The following PCDHGA4 variants were observed in gnomAD, a reference collection of about 807,000 sequenced individuals.
The protein encoded by PCDHGA4 is protocadherin gamma-A4.
A neutral mutation model predicts 54.6 loss-of-function variants in PCDHGA4; 38 were observed. The observed-to-expected ratio is 0.70, with a 90% CI of 0.54 to 0.91. The LOEUF (loss-of-function observed/expected upper bound fraction) is 0.91, where lower values mean the gene tolerates loss of function less well. PCDHGA4 is among the 40% of genes least tolerant of loss of function. The pLI is 0.00. For synonymous variants in PCDHGA4, 511 were observed against 512.9 expected (o/e 1.00, Z 0.05); for missense variants, 1,298 against 1,220.9 (o/e 1.06, Z -0.94).
chr5:141,480,660 C>T (rs535356928), intron 1 of PCDHGA4, among the ~76,000 whole-genome samples: 2 of 152,170 alleles, frequency 1.3e-5, no homozygotes, highest in Non-Finnish European at 2.9e-5. Flanking sequence ...ACATTAAAAT[C>T]ACCTAGAGAC....
intron 1 of PCDHGA4, among the ~76,000 whole-genome samples, chr5:141,451,571 A>G (rs2098719323): frequency 6.6e-6 from 1 of 152,188 alleles, no homozygotes; most frequent in Non-Finnish European, 1.5e-5. Context: ...CAATCTTTTT[A>G]TAAACCTAAT....
chr5:141,384,818 A>G, intron 1 of PCDHGA4: 1 of 1,613,488 alleles, frequency 6.2e-7, no homozygotes, highest in East Asian at 2.2e-5. Context: ...GCCCTCAAGC[A>G]GAGCCTCGTG....
chr5:141,356,387 A>G lies in PCDHGA4; in HGVS notation c.1280A>G (p.Lys427Arg). ...IPDNLPFTLEKTYGNYYRLLT... is the reference protein window; with the variant it reads ...IPDNLPFTLERTYGNYYRLLT... ...GATAATCTGCCATTCACACTTGAAAAGACCTATGGAAATTATTATCGGTTG... is the reference window on the plus strand; with the variant it reads ...GATAATCTGCCATTCACACTTGAAAGGACCTATGGAAATTATTATCGGTTG... Residue 427 changes from lysine (K) to arginine (R), a missense_variant, in exon 1 of 4, where the codon AAG becomes AGG. Lys to Arg is a conservative substitution (Grantham distance 26). Transcript: ENST00000571252. The G allele has an allele frequency of 5.7e-6, 9 of 1,572,378 alleles. No individual in the cohort carries two copies. Among genetic ancestry groups the G allele is most frequent in the Admixed American group, 1.9e-5 (1 of 52,828 alleles).
Position 141,421,478 on chromosome 5 carries a change from G to A in PCDHGA4, c.2514+63857G>A, listed in dbSNP as rs763769838. The A allele has an allele frequency of 2.5e-6, 4 of 1,614,012 alleles. No individual in the cohort carries two copies. In the African/African-American group the frequency reaches 4.0e-5, roughly 16 times the overall value. On this transcript the variant is annotated intron_variant, in intron 1 of 3. Coordinates refer to ENST00000571252, the MANE Select transcript of PCDHGA4 (RefSeq NM_018917.4). ...TTCGCTGTGAATCCGCGAAGCGGCA[G>A]CTTGATCACGGCAGGCAGGATAGAC... is the stretch of plus-strand genomic sequence containing the variant.
intron 1 of PCDHGA4, chr5:141,428,329 A>G (rs928788851): frequency 4.8e-6 from 3 of 627,180 alleles, no homozygotes; most frequent in South Asian, 3.5e-5. Context: ...CTTGATTTCT[A>G]TGCTCTTCTT....
At chr5:141,410,516 C>T in intron 1 of PCDHGA4, 2 of 1,613,910 alleles carry the variant, frequency 1.2e-6, no homozygotes, top group Middle Eastern at 1.6e-4. Context: ...ATGCAGTGTG[C>T]CCCTACATTC....
At chr5:141,405,022 C>T in intron 1 of PCDHGA4, 6 of 1,613,976 alleles carry the variant, frequency 3.7e-6, no homozygotes, top group Non-Finnish European at 5.1e-6. Context: ...CAGACCTTAC[C>T]CTCTACCTCG....
At chr5:141,365,163 C>A in intron 1 of PCDHGA4, 1 of 1,613,918 alleles carries the variant, frequency 6.2e-7, no homozygotes, top group Non-Finnish European at 8.5e-7. Flanking sequence ...GGGAAATTGA[C>A]CTACTCTTTT....
intron 1 of PCDHGA4, among the ~76,000 whole-genome samples, chr5:141,483,980 G>C (rs1379963326): frequency 2.0e-5 from 3 of 148,294 alleles, no homozygotes; most frequent in African/African-American, 7.5e-5. Flanking sequence ...CAAGGGAGTA[G>C]CTAGGTTGCT....
chr5:141,485,275 G>T lies in PCDHGA4; in HGVS notation c.2515-9532G>T, dbSNP rs77402299. ...ACGTTTGTGGGCAGATCCGCTACCC[G>T]GTCCCAGAGGAGTCACAGGAAGGGA... is the stretch of plus-strand genomic sequence containing the variant. On this transcript the variant is annotated intron_variant, in intron 1 of 3. Coordinates refer to ENST00000571252, the MANE Select transcript of PCDHGA4 (RefSeq NM_018917.4). The surrounding 1 kb of genome is among the most constrained non-coding windows in gnomAD (Gnocchi z 5.7). 1.1e-5 allele frequency: 18 copies of T among 1,614,072 alleles called. No individual in the cohort carries two copies. The South Asian group carries it at 1.4e-4, about 13-fold the overall frequency.
chr5:141,485,930 G>A lies in PCDHGA4; in HGVS notation c.2515-8877G>A. ...ATCCAGCTACAGGATTAGTGTGTTG[G>A]AGAGCGCACCAGCGGGCATGGTGCT... On this transcript the variant is annotated intron_variant, in intron 1 of 3. Transcript: ENST00000571252. This position sits in a 1 kb window ranked among gnomAD's most constrained non-coding sequence, Gnocchi z 5.7. The A allele has an allele frequency of 6.2e-7, 1 of 1,614,178 alleles. No homozygotes were observed. Among genetic ancestry groups the A allele is most frequent in the Non-Finnish European group, 8.5e-7 (1 of 1,180,042 alleles).
At position 141,490,221 on chromosome 5, in the gene PCDHGA4, G is replaced by A; in HGVS notation, c.2515-4586G>A. 6.2e-7 allele frequency: 1 copy of A among 1,614,236 alleles called. No individual in the cohort carries two copies. The highest frequency in any genetic ancestry group is 1.1e-5 in the South Asian group (1 of 91,084). ...ATGCAAGAGCCCGTGACCAGGGACAGCCTGCCATGGAGGGCCACTGTGTGA... is the reference window on the plus strand; with the variant it reads ...ATGCAAGAGCCCGTGACCAGGGACAACCTGCCATGGAGGGCCACTGTGTGA... On this transcript the variant is annotated intron_variant, in intron 1 of 3. Transcript: ENST00000571252. The surrounding 1 kb of genome is among the most constrained non-coding windows in gnomAD (Gnocchi z 5.4).
At chr5:141,461,133 T>C (rs2099009646) in intron 1 of PCDHGA4, among the ~76,000 whole-genome samples, 1 of 152,086 alleles carries the variant, frequency 6.6e-6, no homozygotes, top group South Asian at 2.1e-4. Flanking sequence ...TAATTACTTA[T>C]TTTCCTTTGG....
chr5:141,475,903 G>C, intron 1 of PCDHGA4: 5 of 576,064 alleles, frequency 8.7e-6, no homozygotes, highest in Non-Finnish European at 1.5e-5. Context: ...TGCCGCTGTC[G>C]GCCAATGAAG....
intron 1 of PCDHGA4, chr5:141,419,534 G>C: frequency 6.2e-7 from 1 of 1,612,078 alleles, no homozygotes; most frequent in African/African-American, 1.3e-5. Context: ...TAACGACAAC[G>C]CACCGCGGGT....
chr5:141,360,157 T>A (rs185682995), intron 1 of PCDHGA4: 3 of 1,603,412 alleles, frequency 1.9e-6, no homozygotes, highest in African/African-American at 1.3e-5. Flanking sequence ...CTCAGGGAGG[T>A]GCGGGCTGGT....
chr5:141,385,267 T>G lies in PCDHGA4; in HGVS notation c.2514+27646T>G, dbSNP rs965746690. On this transcript the variant is annotated intron_variant, in intron 1 of 3. Transcript: ENST00000571252. ...CCAGGAGAGCTGTGAGAAAAATGAT[T>G]CTTTGCTAACATCCGTAGATTTTCA... 10 of 1,614,058 alleles carry G rather than the reference T, an allele frequency of 6.2e-6. No individual in the cohort carries two copies. In the African/African-American group the frequency reaches 1.2e-4, roughly 19 times the overall value.
chr5:141,414,124 G>C, intron 1 of PCDHGA4: 1 of 1,592,872 alleles, frequency 6.3e-7, no homozygotes, highest in Non-Finnish European at 8.6e-7. Context: ...TGAAGAAACC[G>C]GTTTCTATGA....
intron 1 of PCDHGA4, chr5:141,422,608 T>A: frequency 5.0e-6 from 8 of 1,613,956 alleles, no homozygotes; most frequent in Non-Finnish European, 5.1e-6. Context: ...TTACTCTGCC[T>A]ACATTCCCGA....
Sources: gnomAD v4.1 joint callset for allele counts (sites outside exome capture counted in the v4.1 genomes callset) on GRCh38, gnomAD v4.1.1 for gene constraint, Gnocchi (gnomAD v3.1) non-coding constraint, MANE v1.5 for transcripts, NCBI Gene and HGNC (gene_info 2026-07-23, HGNC 2026-07-21) for gene names.